The following ZNF286A variants were observed in gnomAD, a reference collection of about 807,000 sequenced individuals.
ZNF286A encodes zinc finger protein ZNF286.
Under a neutral mutation model 49.3 loss-of-function variants are expected in ZNF286A, and 34 were observed. The observed-to-expected ratio is 0.69, with a 90% CI of 0.52 to 0.92. The LOEUF (loss-of-function observed/expected upper bound fraction) is 0.92. ZNF286A is among the 40% of genes least tolerant of loss of function. The pLI is 0.00. For synonymous variants in ZNF286A, 155 were observed against 200.4 expected (o/e 0.77, Z 1.91); for missense variants, 462 against 600.2 (o/e 0.77, Z 2.41).
rs370066216 is a variant in ZNF286A, at chr17:15,716,775, G to A, written c.1051G>A (p.Val351Met). 1.2e-6 allele frequency: 2 copies of A among 1,613,840 alleles called. No homozygotes were observed. Among genetic ancestry groups the A allele is most frequent in the African/African-American group, 2.7e-5 (2 of 74,936 alleles). Residue 351 changes from valine (V) to methionine (M), a missense_variant, in exon 6 of 6, where the codon GTG (valine) becomes ATG (methionine). By Grantham distance (21) the Val-to-Met change is conservative (BLOSUM62 1). Transcript: ENST00000583566. Reference sequence around the variant, plus strand: ...GCAGCATCAGTTGATTCATACTGGAGTGAAGCCTTATGAATGTAATGAATG... The same window carrying A: ...GCAGCATCAGTTGATTCATACTGGAATGAAGCCTTATGAATGTAATGAATG... ...LVQHQLIHTG[V>M]KPYECNECDK...
At chr17:15,709,197 C>G (rs962732374) in intron 5 of ZNF286A, among the ~76,000 whole-genome samples, 15 of 150,560 alleles carry the variant, frequency 1.0e-4, no homozygotes, top group African/African-American at 3.2e-4. Context: ...AGTTAAAGCC[C>G]TTTTATTCTC....
At chr17:15,715,007 C>T (rs964124049) in intron 5 of ZNF286A, among the ~76,000 whole-genome samples, 1 of 151,894 alleles carries the variant, frequency 6.6e-6, no homozygotes, top group African/African-American at 2.4e-5. Context: ...TGTATTTGCT[C>T]TTCTATTTTA....
chr17:15,715,577 A>G (rs1966991260), intron 5 of ZNF286A, among the ~76,000 whole-genome samples: 1 of 152,124 alleles, frequency 6.6e-6, no homozygotes, highest in Non-Finnish European at 1.5e-5. Flanking sequence ...GATCAGCAAA[A>G]TGTTATAAAA....
intron 3 of ZNF286A, chr17:15,704,636 C>T: frequency 6.2e-7 from 1 of 1,613,982 alleles, no homozygotes; most frequent in South Asian, 1.1e-5. Context: ...CCATTGGCGC[C>T]CACGTTCGGG....
chr17:15,702,692 G>A (rs543645648), intron 3 of ZNF286A, among the ~76,000 whole-genome samples: 24 of 152,300 alleles, frequency 1.6e-4, no homozygotes, highest in Middle Eastern at 3.4e-3. Context: ...GTACTTGCCT[G>A]TCTCCATTGG....
rs768131874 is a variant in ZNF286A, at chr17:15,708,237, C to G, written c.324C>G (p.Ser108Arg). ...AGCTTGAGAGAAAAGCCCCCAAAAG[C>G]AGCTATTCAGGTGAGCCAGATAGAT... is the stretch of plus-strand genomic sequence containing the variant. ...PLKLERKAPKSSYSDMETRPQ... is the reference protein window; with the variant it reads ...PLKLERKAPKRSYSDMETRPQ... Residue 108 changes from serine to arginine, a missense_variant, in exon 5 of 6, where the codon AGC becomes AGG. Ser to Arg is a moderately radical substitution (Grantham distance 110). Around this residue, in one of 3 missense-constraint regions of ZNF286A, gnomAD observed 259 missense variants for 272.2 expected, o/e 0.95. Transcript: ENST00000583566. The G allele has an allele frequency of 6.3e-7, 1 of 1,587,542 alleles. No homozygotes were observed. Among genetic ancestry groups the G allele is most frequent in the South Asian group, 1.2e-5 (1 of 86,938 alleles).
At position 15,701,172 on chromosome 17, in the gene ZNF286A, C is replaced by G. The variant is rs965898516; in HGVS notation, c.58C>G (p.Pro20Ala). The change falls in exon 3 of 6, where the codon CCC becomes GCC. Residue 20 changes from proline to alanine, a missense_variant. Physicochemically the swap from Pro to Ala is conservative, Grantham distance 27. This residue lies in a region of ZNF286A where 2 missense variants were observed against 16.7 expected (regional missense o/e 0.12). Coordinates refer to ENST00000583566, the MANE Select transcript of ZNF286A (RefSeq NM_001130842.2). ...GTTAGCTCTGTCTTCCCAGGATTCT[C>G]CCCATTTCCAAGAGAAGAGCACAGA... Reference protein sequence around the residue: ...EKGALSSQDSPHFQEKSTEEG... With the variant: ...EKGALSSQDSAHFQEKSTEEG... The G allele has an allele frequency of 6.2e-7, 1 of 1,613,844 alleles. No individual in the cohort carries two copies. Among genetic ancestry groups the G allele is most frequent in the African/African-American group, 1.3e-5 (1 of 74,936 alleles).
At position 15,716,865 on chromosome 17, in the gene ZNF286A, C is replaced by T. The variant is rs1286052085; in HGVS notation, c.1141C>T (p.Pro381Ser). 9 of 1,608,358 alleles carry T rather than the reference C, an allele frequency of 5.6e-6. No homozygotes were observed. Among genetic ancestry groups the T allele is most frequent in the Admixed American group, 1.7e-5 (1 of 59,074 alleles). ...TCAAAGAACTCATACTGGAGAGAAA[C>T]CTTATAAATGTCAAGAATGTGGGAA... is the stretch of plus-strand genomic sequence containing the variant. Reference protein sequence around the residue: ...KHQRTHTGEKPYKCQECGKAF... With the variant: ...KHQRTHTGEKSYKCQECGKAF... Residue 381 changes from proline to serine, a missense_variant, in exon 6 of 6, where the codon CCT becomes TCT. Pro to Ser is a moderately conservative substitution (Grantham distance 74). Around this residue, in one of 3 missense-constraint regions of ZNF286A, gnomAD observed 201 missense variants for 311.3 expected, o/e 0.65. Transcript: ENST00000583566.
chr17:15,716,886 G>A lies in ZNF286A; in HGVS notation c.1162G>A (p.Gly388Arg), dbSNP rs1432120439. Residue 388 changes from glycine (G) to arginine (R), a missense_variant, in exon 6 of 6, where the codon GGG becomes AGG. Coordinates refer to ENST00000583566, the MANE Select transcript of ZNF286A (RefSeq NM_001130842.2). ...GEKPYKCQEC[G>R]KAFSHCSSLT... ...GAAACCTTATAAATGTCAAGAATGT[G>A]GGAAAGCCTTTAGCCATTGCTCATC... 2 of 1,609,914 alleles carry A rather than the reference G, an allele frequency of 1.2e-6. No individual in the cohort carries two copies. Among genetic ancestry groups the A allele is most frequent in the Non-Finnish European group, 1.7e-6 (2 of 1,177,480 alleles).
chr17:15,711,071 C>G (rs1990609795), intron 5 of ZNF286A, among the ~76,000 whole-genome samples: 1 of 152,008 alleles, frequency 6.6e-6, no homozygotes, highest in Non-Finnish European at 1.5e-5. Flanking sequence ...GCCACCAAAC[C>G]CGGCTAATTT....
At chr17:15,704,496 G>C in intron 3 of ZNF286A, 3 of 1,613,948 alleles carry the variant, frequency 1.9e-6, no homozygotes, top group Non-Finnish European at 2.5e-6. Context: ...CCAAGAGCAG[G>C]CGGCCCGCCT....
In ZNF286A at chr17:15,708,144, T is replaced by A. The variant is rs763812381; in HGVS notation, c.242-11T>A. The A allele has an allele frequency of 5.9e-6, 9 of 1,527,628 alleles. No individual in the cohort carries two copies. The highest frequency in any genetic ancestry group is 7.9e-6 in the Non-Finnish European group (9 of 1,142,780). The allele number at this position is 1,527,628 out of a possible 1,614,324, so 94.6% of individuals were successfully genotyped here. A position where few individuals can be genotyped will look rare whatever the true frequency, so the allele number is the denominator to read the frequency against. On this transcript the variant is annotated splice_polypyrimidine_tract_variant and intron_variant, in intron 4 of 5. Coordinates refer to ENST00000583566, the MANE Select transcript of ZNF286A (RefSeq NM_001130842.2). Reference sequence around the variant, plus strand: ...TCTTCTTTCTGTCTTTTTCTTTTTTTAAATGAATAGGGCTTCCAGTTTCCA... The same window carrying A: ...TCTTCTTTCTGTCTTTTTCTTTTTTAAAATGAATAGGGCTTCCAGTTTCCA...
chr17:15,708,109 C>T (rs770066232), intron 4 of ZNF286A, 46 bp from the exon 5 acceptor site: 15 of 1,397,356 alleles, frequency 1.1e-5, no homozygotes, highest in Non-Finnish European at 1.4e-5. Flanking sequence ...ATAACTTACT[C>T]CCATTACTTT....
At chr17:15,713,262 C>T (rs1251133092) in intron 5 of ZNF286A, among the ~76,000 whole-genome samples, 4 of 152,112 alleles carry the variant, frequency 2.6e-5, no homozygotes, top group Non-Finnish European at 4.4e-5. Context: ...ATAAACATGT[C>T]GTGTTAGCAC....
At chr17:15,711,943 C>T (rs1341967956) in intron 5 of ZNF286A, among the ~76,000 whole-genome samples, 3 of 126,532 alleles carry the variant, frequency 2.4e-5, no homozygotes, top group African/African-American at 6.0e-5. Flanking sequence ...GCGATCTTGG[C>T]TCACTGCAAG....
At chr17:15,711,817 T>C (rs1236698204) in intron 5 of ZNF286A, among the ~76,000 whole-genome samples, 1 of 151,916 alleles carries the variant, frequency 6.6e-6, no homozygotes, top group African/African-American at 2.4e-5. Flanking sequence ...GCTTCCAGTT[T>C]TTTTCAAGAG....
chr17:15,704,357 G>T lies in ZNF286A; in HGVS notation c.127-2030G>T, dbSNP rs200056676. 3 of 1,588,092 alleles carry T rather than the reference G, an allele frequency of 1.9e-6. No homozygotes were observed. The East Asian group carries it at 6.7e-5, about 35-fold the overall frequency. On this transcript the variant is annotated intron_variant, in intron 3 of 5. Transcript: ENST00000583566. ...CCTCCCAGGCCCCCTGGGGCCCCAG[G>T]GTCGGTGGAGGAAGCTGCAGTGCCA...
At position 15,706,394 on chromosome 17, in the gene ZNF286A, T is replaced by C; in HGVS notation, c.134T>C (p.Val45Ala). The C allele has an allele frequency of 1.2e-6, 2 of 1,613,374 alleles. No homozygotes were observed. The highest frequency in any genetic ancestry group is 4.5e-5 in the East Asian group (2 of 44,868). Residue 45 changes from valine to alanine, a missense_variant, in exon 4 of 6, where the codon GTG becomes GCG. Transcript: ENST00000583566. ...LRLTARSQET[V>A]TFKDVAMDFT... ...AAATATTTTATGTTTTAGGAAACAG[T>C]GACATTCAAGGATGTGGCCATGGAC...
At position 15,711,623 on chromosome 17, in the gene ZNF286A, A is replaced by G. The variant is rs554440464; in HGVS notation, c.334+3376A>G. On this transcript the variant is annotated intron_variant, in intron 5 of 5. Coordinates refer to ENST00000583566, the MANE Select transcript of ZNF286A (RefSeq NM_001130842.2). ...AGCTTTTTATGTAAATGGCTAGACA[A>G]TAAATAATTACCCTTTGTGGGACAT... 8.5e-5 allele frequency among the ~76,000 whole-genome samples: 13 copies of G among 152,250 alleles called. No individual in the cohort carries two copies. The South Asian group carries it at 1.0e-3, about 12-fold the overall frequency.
Sources: gnomAD v4.1 joint callset for allele counts (sites outside exome capture counted in the v4.1 genomes callset) on GRCh38, gnomAD v4.1.1 for gene constraint, gnomAD v4.1.1 regional missense constraint, MANE v1.5 for transcripts, NCBI Gene and HGNC (gene_info 2026-07-23, HGNC 2026-07-21) for gene names.